Variants in SHC3 observed in about 807,000 individuals in gnomAD.
SHC3 encodes SHC-transforming protein 3.
Under a neutral mutation model 60.4 loss-of-function variants are expected in SHC3, and 15 were observed. The observed-to-expected ratio is 0.25, with a 90% confidence interval of 0.17 to 0.38. SHC3 has a LOEUF of 0.38. Ranked by LOEUF, SHC3 falls within the 10% of genes least tolerant of loss-of-function variation. SHC3 has a pLI of 1.00. For missense variants in SHC3, 677 were observed against 786.1 expected (o/e 0.86, Z 1.66); for synonymous variants, 294 against 325.9 (o/e 0.90, Z 1.05).
At chr9:89,095,064 C>A (rs1360854179) in intron 2 of SHC3, among the ~76,000 whole-genome samples, 1 of 152,140 alleles carries the variant, frequency 6.6e-6, no homozygotes, top group Non-Finnish European at 1.5e-5. Flanking sequence ...ATGGCGGTTC[C>A]TCAAAACATT....
chr9:89,158,390 G>A (rs1826657893), intron 1 of SHC3, among the ~76,000 whole-genome samples: 1 of 151,980 alleles, frequency 6.6e-6, no homozygotes, highest in Admixed American at 6.6e-5. Flanking sequence ...TGCTCTGTAT[G>A]ACTTTAATTC....
At chr9:89,105,960 G>A (rs1825852752) in intron 2 of SHC3, among the ~76,000 whole-genome samples, 1 of 152,178 alleles carries the variant, frequency 6.6e-6, no homozygotes, top group Non-Finnish European at 1.5e-5. Context: ...GGAGTGAGTA[G>A]CAAAAGGATA....
intron 1 of SHC3, among the ~76,000 whole-genome samples, chr9:89,165,098 G>A (rs1826766414): frequency 6.6e-6 from 1 of 152,144 alleles, no homozygotes; most frequent in Non-Finnish European, 1.5e-5. Context: ...TGATTGCCAA[G>A]TGAATGCCAA....
intron 11 of SHC3, among the ~76,000 whole-genome samples, chr9:89,015,644 T>C (rs1004841060): frequency 7.2e-5 from 11 of 152,252 alleles, no homozygotes; most frequent in African/African-American, 2.7e-4. Flanking sequence ...CCCAGAGAAC[T>C]TATAGCCAGC....
At chr9:89,041,922 A>C in intron 10 of SHC3, 104 bp downstream of exon 10, 2 of 1,444,228 alleles carry the variant, frequency 1.4e-6, no homozygotes, top group Non-Finnish European at 1.9e-6. Flanking sequence ...CATTAACCAA[A>C]ACCCTACTAT....
intron 1 of SHC3, among the ~76,000 whole-genome samples, chr9:89,153,955 G>T: frequency 6.6e-6 from 1 of 152,052 alleles, no homozygotes; most frequent in East Asian, 1.9e-4. Flanking sequence ...TCCTCCTGAC[G>T]ACCTTATAAA....
At chr9:89,150,584 C>T (rs575412977) in intron 1 of SHC3, among the ~76,000 whole-genome samples, 1 of 152,162 alleles carries the variant, frequency 6.6e-6, no homozygotes, top group African/African-American at 2.4e-5. Context: ...ATGTATATAC[C>T]ACCTTCTGTT....
At chr9:89,117,886 T>C (rs974211994) in intron 1 of SHC3, among the ~76,000 whole-genome samples, 8 of 152,322 alleles carry the variant, frequency 5.3e-5, no homozygotes, top group Admixed American at 2.6e-4. Flanking sequence ...CTGTCACTCA[T>C]GTTCATACCA....
chr9:89,020,495 C>A (rs549584380), intron 11 of SHC3, among the ~76,000 whole-genome samples: 7 of 152,126 alleles, frequency 4.6e-5, no homozygotes, highest in South Asian at 2.1e-4. Flanking sequence ...GAGGGCTCCT[C>A]CTCTGGCTGT....
chr9:89,097,016 C>G (rs1825712663), intron 2 of SHC3, among the ~76,000 whole-genome samples: 1 of 151,348 alleles, frequency 6.6e-6, no homozygotes, highest in African/African-American at 2.4e-5. Flanking sequence ...GCGCTGCAGA[C>G]ACCAGGTCAG....
At position 89,070,399 on chromosome 9, in the gene SHC3, T is replaced by A. The variant is rs569061286; in HGVS notation, c.783+800A>T. ...TTGCCCTCTGTGCCTCACTCCTTTGTGACCAATTTCCTGCCTGGTTTCTTT... is the reference window on the plus strand; with the variant it reads ...TTGCCCTCTGTGCCTCACTCCTTTGAGACCAATTTCCTGCCTGGTTTCTTT... On this transcript the variant is annotated intron_variant, in intron 5 of 11. Transcript: ENST00000375835. Among the ~76,000 whole-genome samples, 8 of 152,344 alleles carry A rather than the reference T, an allele frequency of 5.3e-5. No individual in the cohort carries two copies. The East Asian group carries it at 1.2e-3, about 22-fold the overall frequency.
intron 5 of SHC3, among the ~76,000 whole-genome samples, chr9:89,070,516 G>T (rs1825254031): frequency 6.6e-6 from 1 of 152,178 alleles, no homozygotes; most frequent in Admixed American, 6.5e-5. Context: ...GTTCAACTTC[G>T]TGACAGTACA....
chr9:89,099,645 C>A (rs531604048), intron 2 of SHC3, among the ~76,000 whole-genome samples: 1 of 152,138 alleles, frequency 6.6e-6, no homozygotes, highest in South Asian at 2.1e-4. Flanking sequence ...CTAATTCTGC[C>A]GACACAAACA....
chr9:89,050,021 A>T (rs1460524610), intron 7 of SHC3, among the ~76,000 whole-genome samples: 1 of 152,222 alleles, frequency 6.6e-6, no homozygotes, highest in Non-Finnish European at 1.5e-5. Flanking sequence ...TTTATCAATT[A>T]CATGCTTCCC....
At chr9:89,088,278 GCCA>G (rs1825564783) in intron 2 of SHC3, among the ~76,000 whole-genome samples, 1 of 152,164 alleles carries the variant, frequency 6.6e-6, no homozygotes, top group South Asian at 2.1e-4. Context: ...AATCTTTCAA[GCCA>G]CCTATGGTCT....
chr9:89,057,303 G>C (rs1261298975), intron 6 of SHC3, among the ~76,000 whole-genome samples: 1 of 138,232 alleles, frequency 7.2e-6, no homozygotes, highest in Non-Finnish European at 1.5e-5. Context: ...AATTGATCCA[G>C]TTTTCCTTTT....
Position 89,103,006 on chromosome 9 carries a change from C to A in SHC3, c.545+9550G>T, listed in dbSNP as rs1416325460. ...TGATGGTGGGGCATGGACTGTGGAC[C>A]AGGAGAATGGACAGCAGGAATTCAG... On this transcript the variant is annotated intron_variant, in intron 2 of 11. Coordinates refer to ENST00000375835, the MANE Select transcript of SHC3 (RefSeq NM_016848.6). Among the ~76,000 whole-genome samples, 3 of 152,194 alleles carry A rather than the reference C, an allele frequency of 2.0e-5. No individual in the cohort carries two copies. In the South Asian group the frequency reaches 6.2e-4, roughly 32 times the overall value.
intron 2 of SHC3, among the ~76,000 whole-genome samples, chr9:89,094,826 G>A (rs1484349455): frequency 6.6e-6 from 1 of 152,118 alleles, no homozygotes; most frequent in Non-Finnish European, 1.5e-5. Context: ...TGCATGCCCA[G>A]GGACTTTGGG....
intron 5 of SHC3, among the ~76,000 whole-genome samples, chr9:89,069,551 C>T (rs1401468317): frequency 5.3e-5 from 8 of 151,756 alleles, no homozygotes; most frequent in Non-Finnish European, 8.9e-5. Context: ...CTAAACAGTG[C>T]TCTGACCATC....
Sources: allele counts gnomAD v4.1 joint callset (sites outside exome capture counted in the v4.1 genomes callset), GRCh38; gene constraint gnomAD v4.1.1; transcripts MANE v1.5; gene names NCBI Gene and HGNC (gene_info 2026-07-23, HGNC 2026-07-21).